The following RAD51C variants were observed in gnomAD, a reference collection of about 807,000 sequenced individuals.
The protein encoded by RAD51C is DNA repair protein RAD51 homolog 3.
A neutral mutation model predicts 45.0 loss-of-function variants in RAD51C; 42 were observed. That is an observed-to-expected ratio of 0.93 (90% CI 0.73 to 1.21). RAD51C has a LOEUF of 1.21. RAD51C is among the 50% of genes most tolerant of loss of function. The pLI is 0.00. For missense variants in RAD51C, 474 were observed against 452.2 expected (o/e 1.05, Z -0.44); for synonymous variants, 172 against 159.8 (o/e 1.08, Z -0.58).
chr17:58,701,291 G>A (rs2048203491), intron 3 of RAD51C, among the ~76,000 whole-genome samples: 1 of 151,862 alleles, frequency 6.6e-6, no homozygotes, highest in African/African-American at 2.4e-5. Context: ...GGCAGATCAC[G>A]AGGTCAGGAG....
chr17:58,718,152 A>C (rs1350779899), intron 5 of RAD51C, among the ~76,000 whole-genome samples: 1 of 152,022 alleles, frequency 6.6e-6, no homozygotes, highest in East Asian at 1.9e-4. Flanking sequence ...GCCCGCCCCA[A>C]CGTTCGGCTA....
rs1221338838 is a variant in RAD51C at position 58,735,194 on chromosome 17, T to C, written c.*972T>C. The C allele has an allele frequency of 6.6e-6, 1 of 152,220 alleles. No homozygotes were observed. Among genetic ancestry groups the C allele is most frequent in the Non-Finnish European group, 1.5e-5 (1 of 68,078 alleles). 9.4% of individuals were successfully genotyped at this position (152,220 alleles called of 1,614,324 possible). On this transcript the variant is annotated 3_prime_UTR_variant, in exon 9 of 9. Coordinates refer to ENST00000337432, the MANE Select transcript of RAD51C (RefSeq NM_058216.3). The stretch of plus-strand genomic sequence containing the variant: ...TGATAAGCTCACAATCATTTATTGC[T>C]ACGTTTTTGTTTTTGTTTTGAGACA...
chr17:58,706,235 T>C (rs1366249488), intron 4 of RAD51C, among the ~76,000 whole-genome samples: 1 of 152,022 alleles, frequency 6.6e-6, no homozygotes, highest in Non-Finnish European at 1.5e-5. Flanking sequence ...GAGACCACCC[T>C]GGCCAATATG....
chr17:58,732,552 T>A lies in RAD51C; in HGVS notation c.1026+8T>A, dbSNP rs1201281084. ...GTACTGTTTCAAATCAAAGTCAGTA[T>A]TATTTGATTAGAGTGGGATTTTGAT... On this transcript the variant is annotated splice_region_variant and intron_variant, in intron 8 of 8. Transcript: ENST00000337432. The A allele has an allele frequency of 6.2e-7, 1 of 1,608,644 alleles. No individual in the cohort carries two copies. Among genetic ancestry groups the A allele is most frequent in the Non-Finnish European group, 8.5e-7 (1 of 1,175,164 alleles).
At chr17:58,702,534 A>C (rs2143790880) in intron 3 of RAD51C, among the ~76,000 whole-genome samples, 1 of 152,096 alleles carries the variant, frequency 6.6e-6, no homozygotes, top group Middle Eastern at 3.4e-3. Flanking sequence ...CTCTACTAAA[A>C]ATACAAAAAT....
At chr17:58,717,049 T>A (rs1275080935) in intron 5 of RAD51C, among the ~76,000 whole-genome samples, 1 of 152,018 alleles carries the variant, frequency 6.6e-6, no homozygotes, top group Non-Finnish European at 1.5e-5. Context: ...TCCGCCCGCC[T>A]CGGCCTCCCA....
At chr17:58,729,377 C>A (rs891084344) in intron 7 of RAD51C, among the ~76,000 whole-genome samples, 1 of 149,506 alleles carries the variant, frequency 6.7e-6, no homozygotes, top group Non-Finnish European at 1.5e-5. Flanking sequence ...ACCACCACGC[C>A]TGGCTAATTT....
Position 58,695,061 on chromosome 17 carries a change from G to A in RAD51C, c.276G>A (p.Glu92=), listed in dbSNP as rs1217274682. ...AGTGTACAGCACTGGAACTTCTTGA[G>A]CAGGAGCATACCCAGGGCTTCATAA... ...HKKCTALELL[E]QEHTQGFIIT... The change falls in exon 2 of 9, where the codon GAG becomes GAA. Residue 92 remains glutamate, a synonymous_variant. Transcript: ENST00000337432. The A allele has an allele frequency of 1.2e-6, 2 of 1,614,110 alleles. No homozygotes were observed. The highest frequency in any genetic ancestry group is 3.3e-5 in the Admixed American group (2 of 60,000).
At chr17:58,695,928 A>G (rs1258027792) in intron 2 of RAD51C, among the ~76,000 whole-genome samples, 1 of 150,060 alleles carries the variant, frequency 6.7e-6, no homozygotes, top group African/African-American at 2.5e-5. Context: ...TTAGCCAGGC[A>G]TGGTGGTTCA....
chr17:58,719,841 G>C (rs1247382122), intron 5 of RAD51C, among the ~76,000 whole-genome samples: 1 of 148,948 alleles, frequency 6.7e-6, no homozygotes, highest in Non-Finnish European at 1.5e-5. Context: ...CCATTCTCCT[G>C]TCTCAGCCTC....
intron 7 of RAD51C, 183 bp from the exon 8 acceptor site, chr17:58,732,301 T>A (rs1460413060): frequency 1.8e-6 from 1 of 553,010 alleles, no homozygotes; most frequent in Admixed American, 3.1e-5. Context: ...TAAACTCTGT[T>A]ATATACATAC....
chr17:58,709,750 A>C, intron 4 of RAD51C, 109 bp from the exon 5 acceptor site: 1 of 1,059,352 alleles, frequency 9.4e-7, no homozygotes, highest in Non-Finnish European at 1.4e-6. Flanking sequence ...AGACAGAAGA[A>C]TATAGTAAAT....
intron 5 of RAD51C, among the ~76,000 whole-genome samples, chr17:58,712,344 CAAAAAAAAAAAA>C (rs5821244): frequency 1.2e-5 from 1 of 83,078 alleles, no homozygotes; most frequent in South Asian, 4.4e-4. Flanking sequence ...CACTCCATCT[CAAAAAAAAAAAA>C]AAAAAAAAAG....
In RAD51C at chr17:58,732,155, T is replaced by C. The variant is rs541863334; in HGVS notation, c.966-329T>C. 5.6e-4 allele frequency among the ~76,000 whole-genome samples: 85 copies of C among 152,278 alleles called. 1 individual carries two copies. Among genetic ancestry groups the C allele is most frequent in the Admixed American group, 1.6e-3 (24 of 15,282 alleles). ...ATAATACAGTATAACTATTATTTAGTATATTATTAATACTTTCCTATCTCA... is the reference window on the plus strand; with the variant it reads ...ATAATACAGTATAACTATTATTTAGCATATTATTAATACTTTCCTATCTCA... On this transcript the variant is annotated intron_variant, in intron 7 of 8. Transcript: ENST00000337432.
chr17:58,723,696 G>A (rs940418476), intron 6 of RAD51C, among the ~76,000 whole-genome samples: 2 of 149,700 alleles, frequency 1.3e-5, no homozygotes, highest in African/African-American at 4.9e-5. Context: ...TATATATTCT[G>A]TTGATGTCAA....
rs876660547 is a variant in RAD51C at position 58,724,066 on chromosome 17, A to G, written c.931A>G (p.Ile311Val). 5.6e-6 allele frequency: 9 copies of G among 1,613,420 alleles called. No homozygotes were observed. The South Asian group carries it at 8.8e-5, about 16-fold the overall frequency. ...GGAAAGTTGGGGACATGCTGCTACAATACGGCTAATCTTTCATTGGGACCG... is the reference window on the plus strand; with the variant it reads ...GGAAAGTTGGGGACATGCTGCTACAGTACGGCTAATCTTTCATTGGGACCG... ...LGESWGHAAT[I>V]RLIFHWDRKQ... The change falls in exon 7 of 9, where the codon ATA becomes GTA. Residue 311 changes from isoleucine to valine, a missense_variant. Ile to Val is a conservative substitution (Grantham distance 29, BLOSUM62 3). Transcript: ENST00000337432.
intron 3 of RAD51C, among the ~76,000 whole-genome samples, chr17:58,702,102 C>T (rs2048230932): frequency 1.3e-5 from 2 of 151,526 alleles, no homozygotes; most frequent in Non-Finnish European, 2.9e-5. Context: ...CTCAAGCAAT[C>T]CTCTCACCTT....
chr17:58,714,471 A>G (rs2611779), intron 5 of RAD51C, among the ~76,000 whole-genome samples: 34,734 of 151,696 alleles, frequency 0.23, 5,120 homozygotes, highest in Middle Eastern at 0.41. Flanking sequence ...ATTTATTTAT[A>G]TCTTTGAGAC....
chr17:58,708,003 G>A (rs749406449), intron 4 of RAD51C, among the ~76,000 whole-genome samples: 7 of 152,086 alleles, frequency 4.6e-5, no homozygotes, highest in Non-Finnish European at 8.8e-5. Flanking sequence ...TACTACCTTA[G>A]AGGCCCTCTC....
Sources: gnomAD v4.1 joint callset for allele counts (sites outside exome capture counted in the v4.1 genomes callset) on GRCh38, gnomAD v4.1.1 for gene constraint, MANE v1.5 for transcripts, NCBI Gene and HGNC (gene_info 2026-07-23, HGNC 2026-07-21) for gene names.